Variants in FOXP1 observed in about 807,000 individuals in gnomAD.
FOXP1 encodes the protein forkhead box P1, also known as forkhead box protein P1.
FOXP1 carries 15 observed loss-of-function variants against 98.2 expected under a neutral mutation model. The observed-to-expected ratio is 0.15, with a 90% CI of 0.10 to 0.24. FOXP1 has a LOEUF of 0.24. Among genes scored for constraint, FOXP1 ranks in the 10% least tolerant of loss-of-function variants. FOXP1 has a pLI of 1.00. For missense variants in FOXP1, 633 were observed against 848.5 expected, an observed-to-expected ratio of 0.75 and a Z score of 3.15; for synonymous variants, 371 against 314.5, an observed-to-expected ratio of 1.18 and a Z score of -1.90.
At chr3:71,166,797 CA>C (rs568917949) in intron 6 of FOXP1, among the ~76,000 whole-genome samples, 38 of 152,096 alleles carry the variant, frequency 2.5e-4, no homozygotes, top group Middle Eastern at 3.4e-3. Flanking sequence ...AAACAAAAAG[CA>C]AAAACAAAAA....
At position 71,026,385 on chromosome 3, in the gene FOXP1, T is replaced by G. The variant is rs746780646; in HGVS notation, c.870-10732A>C. 3.3e-5 allele frequency among the ~76,000 whole-genome samples: 5 copies of G among 152,126 alleles called. No individual in the cohort carries two copies. In the South Asian group the frequency reaches 6.2e-4, roughly 19 times the overall value. ...AAGTAGTCCTTGAGGATCCAGTCTG[T>G]AGCTGGGTTAACTTCGCAGGTTGAC... On this transcript the variant is annotated intron_variant, in intron 11 of 20. Transcript: ENST00000649528.
At chr3:71,106,565 C>A (rs2057443386) in intron 7 of FOXP1, among the ~76,000 whole-genome samples, 1 of 151,832 alleles carries the variant, frequency 6.6e-6, no homozygotes, top group Non-Finnish European at 1.5e-5. Context: ...ACCTTGTGAT[C>A]CGCTCGCCTT....
chr3:71,178,904 C>A (rs1351002228), intron 6 of FOXP1, among the ~76,000 whole-genome samples: 23 of 135,530 alleles, frequency 1.7e-4, no homozygotes, highest in African/African-American at 3.6e-4. Flanking sequence ...AACAAACAAA[C>A]AAAAAAAAAA....
chr3:71,176,776 CG>C (rs1232823857), intron 6 of FOXP1, among the ~76,000 whole-genome samples: 2 of 137,108 alleles, frequency 1.5e-5, no homozygotes, highest in African/African-American at 2.9e-5. Context: ...AAAAAAGAGC[CG>C]GGGGGCGGGT....
chr3:71,466,874 A>G (rs1237811294), intron 3 of FOXP1, among the ~76,000 whole-genome samples: 1 of 152,240 alleles, frequency 6.6e-6, no homozygotes, highest in African/African-American at 2.4e-5. Flanking sequence ...AGGAATGATG[A>G]CATCTGTGTT....
intron 6 of FOXP1, among the ~76,000 whole-genome samples, chr3:71,169,551 T>G (rs1424811555): frequency 6.6e-6 from 1 of 152,152 alleles, no homozygotes; most frequent in Admixed American, 6.5e-5. Flanking sequence ...TAAAAAGGTG[T>G]AAGACTTTAT....
intron 2 of FOXP1, among the ~76,000 whole-genome samples, chr3:71,504,152 C>T (rs1324891245): frequency 2.6e-5 from 4 of 152,100 alleles, no homozygotes; most frequent in African/African-American, 9.7e-5. Flanking sequence ...TTGAACAATA[C>T]TATGTCATAA....
intron 3 of FOXP1, among the ~76,000 whole-genome samples, chr3:71,399,067 T>C (rs2081763499): frequency 6.6e-6 from 1 of 152,242 alleles, no homozygotes; most frequent in Non-Finnish European, 1.5e-5. Flanking sequence ...GCCTCGCTGA[T>C]TATAATATTT....
At chr3:71,567,170 T>A (rs2046976218) in intron 2 of FOXP1, among the ~76,000 whole-genome samples, 1 of 151,740 alleles carries the variant, frequency 6.6e-6, no homozygotes, top group Admixed American at 6.6e-5. Context: ...TAAAGAAAAA[T>A]GAGAAAGTGG....
chr3:71,306,781 T>C (rs34936081), intron 4 of FOXP1, among the ~76,000 whole-genome samples: 4,681 of 152,196 alleles, frequency 0.031, 97 homozygotes, highest in South Asian at 0.073. Flanking sequence ...TTTAAAAACA[T>C]TACCCCCATA....
chr3:71,368,972 G>A (rs1356673502), intron 3 of FOXP1, among the ~76,000 whole-genome samples: 1 of 152,110 alleles, frequency 6.6e-6, no homozygotes, highest in East Asian at 1.9e-4. Flanking sequence ...ACCGCATTAG[G>A]ATCTACCTCA....
intron 7 of FOXP1, among the ~76,000 whole-genome samples, chr3:71,060,166 T>C (rs1299910164): frequency 6.6e-6 from 1 of 152,120 alleles, no homozygotes; most frequent in Non-Finnish European, 1.5e-5. Context: ...GGACTATAAT[T>C]GAATTTCAAC....
chr3:71,284,490 G>T (rs1256550553), intron 5 of FOXP1, among the ~76,000 whole-genome samples: 2 of 152,172 alleles, frequency 1.3e-5, no homozygotes, highest in African/African-American at 4.8e-5. Context: ...TTGAGCCTGA[G>T]AGATCAAGGC....
chr3:71,216,831 C>T (rs1224754115), intron 5 of FOXP1, among the ~76,000 whole-genome samples: 1 of 152,092 alleles, frequency 6.6e-6, no homozygotes, highest in Non-Finnish European at 1.5e-5. Flanking sequence ...GGTTAATTGT[C>T]CCTCCCCCAC....
chr3:71,143,711 T>C (rs183632789), intron 6 of FOXP1, among the ~76,000 whole-genome samples: 7 of 152,180 alleles, frequency 4.6e-5, no homozygotes, highest in East Asian at 1.9e-4. Context: ...CTGGGCAACA[T>C]TGCAAGACCC....
rs754397347 is a variant in FOXP1, at chr3:71,198,167, CCACCTCCACCT to C, written c.180+24_180+34del. 3.1e-6 allele frequency: 5 copies of C among 1,613,862 alleles called. No homozygotes were observed. The East Asian group carries it at 8.9e-5, about 29-fold the overall frequency. On this transcript the variant is annotated intron_variant, in intron 6 of 20. Coordinates refer to ENST00000649528, the MANE Select transcript of FOXP1 (RefSeq NM_001349338.3). Reference sequence around the variant, plus strand: ...AATTCAGCAGTAAAATTCGCACCCACCACCTCCACCTCCCAAGACTCCAAAGCCCAGTACCT... The same window carrying C: ...AATTCAGCAGTAAAATTCGCACCCACCCCAAGACTCCAAAGCCCAGTACCT...
chr3:71,125,707 T>A (rs952583365), intron 6 of FOXP1, among the ~76,000 whole-genome samples: 9 of 152,206 alleles, frequency 5.9e-5, no homozygotes, highest in African/African-American at 2.2e-4. Flanking sequence ...TCTCCAGGCA[T>A]GAAGAAGTAA....
chr3:71,005,036 C>T (rs995324373), intron 12 of FOXP1, among the ~76,000 whole-genome samples: 2 of 151,672 alleles, frequency 1.3e-5, no homozygotes, highest in African/African-American at 4.8e-5. Flanking sequence ...TTTTCCAGAC[C>T]GAAATTGATG....
At chr3:71,220,593 C>CA (rs200172183) in intron 5 of FOXP1, among the ~76,000 whole-genome samples, 15,326 of 147,612 alleles carry the variant, frequency 0.1, 948 homozygotes, top group East Asian at 0.18. Context: ...ATCAAAAATA[C>CA]AAAAAAAAAA....
Sources: allele counts gnomAD v4.1 joint callset (sites outside exome capture counted in the v4.1 genomes callset), GRCh38; gene constraint gnomAD v4.1.1; transcripts MANE v1.5; gene names NCBI Gene and HGNC (gene_info 2026-07-23, HGNC 2026-07-21).